TRAPPC9: variants seen among roughly 807,000 people sequenced by gnomAD.
The protein encoded by TRAPPC9 is trafficking protein particle complex subunit 9.
TRAPPC9 carries 83 observed loss-of-function variants against 124.0 expected under a neutral mutation model. The observed-to-expected ratio is 0.67, with a 90% confidence interval of 0.56 to 0.80. The LOEUF (loss-of-function observed/expected upper bound fraction) is 0.80, where lower values mean the gene tolerates loss of function less well. Ranked by LOEUF, TRAPPC9 falls within the 30% of genes least tolerant of loss-of-function variation. TRAPPC9 has a pLI of 0.00. For synonymous variants in TRAPPC9, 638 were observed against 617.5 expected (o/e 1.03, Z -0.49); for missense variants, 1,302 against 1,508.3 (o/e 0.86, Z 2.27).
At chr8:139,960,166 G>A (rs1835286418) in intron 19 of TRAPPC9, among the ~76,000 whole-genome samples, 1 of 152,222 alleles carries the variant, frequency 6.6e-6, no homozygotes, top group South Asian at 2.1e-4. Context: ...AACCCCGTCT[G>A]GCCTCATCAC....
At chr8:140,349,458 A>AG (rs1009266860) in intron 9 of TRAPPC9, among the ~76,000 whole-genome samples, 2 of 142,106 alleles carry the variant, frequency 1.4e-5, no homozygotes, top group South Asian at 2.3e-4. Context: ...AAGGGCACAC[A>AG]GGGGGGCCGA....
intron 21 of TRAPPC9, among the ~76,000 whole-genome samples, chr8:139,740,671 A>G (rs1257304757): frequency 6.6e-6 from 1 of 152,216 alleles, no homozygotes; most frequent in Non-Finnish European, 1.5e-5. Flanking sequence ...AGTGGTAGGC[A>G]GGGGAGGCAG....
rs1008316933 is a variant in TRAPPC9, at chr8:140,160,462, A to C, written c.2556+60997T>G. On this transcript the variant is annotated intron_variant, in intron 17 of 22. Coordinates refer to ENST00000438773, the MANE Select transcript of TRAPPC9 (RefSeq NM_001160372.4). Reference sequence around the variant, plus strand: ...ACATATACACCATGGAATACTATGCAGCCATATAAATGATGAGTTCAAGTC... The same window carrying C: ...ACATATACACCATGGAATACTATGCCGCCATATAAATGATGAGTTCAAGTC... Among the ~76,000 whole-genome samples, 168 of 152,350 alleles carry C rather than the reference A, an allele frequency of 1.1e-3. 2 individuals are homozygous for C. Among genetic ancestry groups the C allele is most frequent in the Non-Finnish European group, 1.2e-4 (8 of 68,046 alleles).
chr8:140,322,794 G>A (rs1211728603), intron 9 of TRAPPC9, among the ~76,000 whole-genome samples: 2 of 152,074 alleles, frequency 1.3e-5, no homozygotes, highest in African/African-American at 2.4e-5. Flanking sequence ...TATGATTACG[G>A]GCCACTGTAC....
chr8:140,174,362 C>A (rs1308207492), intron 17 of TRAPPC9, among the ~76,000 whole-genome samples: 1 of 149,394 alleles, frequency 6.7e-6, no homozygotes, highest in African/African-American at 2.4e-5. Context: ...ACATCCTGCA[C>A]ATGTACCCCC....
chr8:140,423,282 C>CA (rs948093196), intron 5 of TRAPPC9, among the ~76,000 whole-genome samples: 3 of 151,370 alleles, frequency 2.0e-5, no homozygotes, highest in African/African-American at 7.3e-5. Flanking sequence ...ACTAAAAATA[C>CA]AAAAAAAATT....
intron 21 of TRAPPC9, among the ~76,000 whole-genome samples, chr8:139,794,423 A>G (rs1355998130): frequency 6.6e-6 from 1 of 152,172 alleles, no homozygotes; most frequent in Non-Finnish European, 1.5e-5. Flanking sequence ...GTGTGCCAGA[A>G]AAAGGGGACT....
Position 139,788,403 on chromosome 8 carries a change from T to A in TRAPPC9, c.3056-56201A>T, listed in dbSNP as rs1422198044. On this transcript the variant is annotated intron_variant, in intron 21 of 22. Coordinates refer to ENST00000438773, the MANE Select transcript of TRAPPC9 (RefSeq NM_001160372.4). The surrounding 1 kb of genome is among the most constrained non-coding windows in gnomAD (Gnocchi z 4.9). ...CCTGGCCTGTCAAAACTGTTAACTA[T>A]CAGGCAGGGCAAGGATGGCGGCTGC... Among the ~76,000 whole-genome samples the A allele has an allele frequency of 6.6e-6, 1 of 152,224 alleles. No homozygotes were observed. The highest frequency in any genetic ancestry group is 1.5e-5 in the Non-Finnish European group (1 of 68,044).
At chr8:139,951,022 G>A (rs986323824) in intron 19 of TRAPPC9, among the ~76,000 whole-genome samples, 3 of 152,186 alleles carry the variant, frequency 2.0e-5, no homozygotes. Context: ...ACGGCTTGGA[G>A]TCAGCCAGAC....
intron 18 of TRAPPC9, among the ~76,000 whole-genome samples, chr8:140,002,378 T>A (rs1838461534): frequency 6.6e-6 from 1 of 152,268 alleles, no homozygotes; most frequent in East Asian, 1.9e-4. Flanking sequence ...GCAATATACT[T>A]ATCCATTTTT....
At chr8:140,204,009 T>G (rs1317651528) in intron 17 of TRAPPC9, among the ~76,000 whole-genome samples, 1 of 152,140 alleles carries the variant, frequency 6.6e-6, no homozygotes, top group African/African-American at 2.4e-5. Context: ...ATGGTTTGGA[T>G]GTTTGGTCTC....
chr8:140,091,684 G>C (rs1259467329), intron 17 of TRAPPC9, among the ~76,000 whole-genome samples: 1 of 152,196 alleles, frequency 6.6e-6, no homozygotes, highest in Non-Finnish European at 1.5e-5. Context: ...AAGACAGCAG[G>C]AAGTCAGCTG....
chr8:139,865,204 C>T (rs1290786000), intron 21 of TRAPPC9, among the ~76,000 whole-genome samples: 1 of 152,214 alleles, frequency 6.6e-6, no homozygotes, highest in African/African-American at 2.4e-5. Context: ...GCAAGAGCCA[C>T]AGGCATCTCT....
chr8:140,326,552 TCAGA>T (rs953516933), intron 9 of TRAPPC9, among the ~76,000 whole-genome samples: 3 of 152,060 alleles, frequency 2.0e-5, no homozygotes, highest in African/African-American at 7.2e-5. Context: ...CCCCCTTCAC[TCAGA>T]CAAACATCAT....
At chr8:139,740,872 T>C (rs1418316058) in intron 21 of TRAPPC9, among the ~76,000 whole-genome samples, 4 of 152,178 alleles carry the variant, frequency 2.6e-5, no homozygotes, top group Non-Finnish European at 5.9e-5. Context: ...GGCCTTCCAG[T>C]CTGGGCTCTG....
chr8:140,033,656 TG>T (rs1563706477), intron 17 of TRAPPC9, among the ~76,000 whole-genome samples: 9 of 116,770 alleles, frequency 7.7e-5, no homozygotes, highest in Admixed American at 1.9e-4. Flanking sequence ...CTTCATAATG[TG>T]GTTTTTTTTT....
At chr8:140,137,271 G>A (rs2061319557) in intron 17 of TRAPPC9, among the ~76,000 whole-genome samples, 1 of 152,112 alleles carries the variant, frequency 6.6e-6, no homozygotes, top group Non-Finnish European at 1.5e-5. Context: ...CTCCTCACTG[G>A]GCTGCCAGCG....
chr8:139,809,456 C>T (rs1824286244), intron 21 of TRAPPC9, among the ~76,000 whole-genome samples: 1 of 152,196 alleles, frequency 6.6e-6, no homozygotes, highest in Non-Finnish European at 1.5e-5. Context: ...AGGAGGCAGG[C>T]TATGAAATCA....
At position 139,887,754 on chromosome 8, in the gene TRAPPC9, G is replaced by A. The variant is rs554521079; in HGVS notation, c.2965-1785C>T. ...CTGTGCTAGACACGGTCATCTTCCT[G>A]TTACTTGGCTTCAGCCCTAGCCTGT... On this transcript the variant is annotated intron_variant, in intron 20 of 22. Coordinates refer to ENST00000438773, the MANE Select transcript of TRAPPC9 (RefSeq NM_001160372.4). Among the ~76,000 whole-genome samples, 327 of 152,296 alleles carry A rather than the reference G, an allele frequency of 2.1e-3. 4 individuals carry two copies. Among genetic ancestry groups the A allele is most frequent in the Non-Finnish European group, 5.4e-4 (37 of 68,010 alleles).
Sources: allele counts gnomAD v4.1 joint callset (sites outside exome capture counted in the v4.1 genomes callset), GRCh38; gene constraint gnomAD v4.1.1; non-coding constraint Gnocchi (gnomAD v3.1); transcripts MANE v1.5; gene names NCBI Gene and HGNC (gene_info 2026-07-23, HGNC 2026-07-21).